SUGP1: variants seen among roughly 807,000 people sequenced by gnomAD.
SUGP1 encodes the protein SURP and G-patch domain-containing protein 1.
In SUGP1, 34 loss-of-function variants were observed where a neutral mutation model predicts 76.5. The observed-to-expected ratio is 0.44, with a 90% CI of 0.34 to 0.59. The LOEUF is 0.59. SUGP1 is among the 20% of genes least tolerant of loss of function. The pLI, the probability that SUGP1 is intolerant of heterozygous loss-of-function variation, is 0.01. For missense variants in SUGP1, 752 were observed against 851.7 expected, an observed-to-expected ratio of 0.88 and a Z score of 1.46; for synonymous variants, 326 against 326.2, an observed-to-expected ratio of 1.00 and a Z score of 0.01.
rs1311738853 is a variant in SUGP1, at chr19:19,303,775, G to C, written c.611C>G (p.Pro204Arg). Reference protein sequence around the residue: ...KLARFVAEGGPELEKVAMEDY... With the variant: ...KLARFVAEGGRELEKVAMEDY... ...CTCCATAGCTACTTTTTCTAACTCGGGGCCTCCTTCTGCCACAAAGCGGGC... is the reference window on the plus strand; with the variant it reads ...CTCCATAGCTACTTTTTCTAACTCGCGGCCTCCTTCTGCCACAAAGCGGGC... Residue 204 changes from proline (P) to arginine (R), a missense_variant, in exon 5 of 14, where the codon CCC (proline) becomes CGC (arginine). Coordinates refer to ENST00000247001, the MANE Select transcript of SUGP1 (RefSeq NM_172231.4). The C allele has an allele frequency of 1.3e-5, 21 of 1,614,118 alleles. No homozygotes were observed. Among genetic ancestry groups the C allele is most frequent in the Non-Finnish European group, 1.8e-5 (21 of 1,180,034 alleles).
rs1286531378 is a variant in SUGP1, at chr19:19,278,734, G to A, written c.1591C>T (p.Pro531Ser). Residue 531 changes from proline (P) to serine (S), a missense_variant, in exon 11 of 14, where the codon CCA (proline) becomes TCA (serine). By Grantham distance (74) the Pro-to-Ser change is moderately conservative. This residue lies in a region of SUGP1 where 132 missense variants were observed against 234.4 expected (regional missense o/e 0.56). Coordinates refer to ENST00000247001, the MANE Select transcript of SUGP1 (RefSeq NM_172231.4). ...GKHFIGDFLP[P>S]DELEKFMETF... The stretch of plus-strand genomic sequence containing the variant: ...TCCATAAACTTTTCCAGCTCGTCTG[G>A]AGGCAGGAAGTCTCCGATGAAGTGC... 1 of 1,614,040 alleles carries A rather than the reference G, an allele frequency of 6.2e-7. No individual in the cohort carries two copies. The highest frequency in any genetic ancestry group is 8.5e-7 in the Non-Finnish European group (1 of 1,179,984).
chr19:19,316,009 T>A (rs2061391597), intron 2 of SUGP1, among the ~76,000 whole-genome samples: 1 of 151,950 alleles, frequency 6.6e-6, no homozygotes. Flanking sequence ...TTTTTTGTAT[T>A]TTTTAGTAGA....
chr19:19,302,401 T>G lies in SUGP1; in HGVS notation c.764-13A>C. 6.2e-7 allele frequency: 1 copy of G among 1,613,640 alleles called. No homozygotes were observed. The highest frequency in any genetic ancestry group is 8.5e-7 in the Non-Finnish European group (1 of 1,179,660). On this transcript the variant is annotated splice_polypyrimidine_tract_variant and intron_variant, in intron 6 of 13. Transcript: ENST00000247001. ...TCTGGGGGTGAAACTTTAAGCAGGC[T>G]GTCAGTACTGGGCTCAACTCACCAC...
At position 19,277,090 on chromosome 19, in the gene SUGP1, AG is replaced by A. The variant is rs777400468; in HGVS notation, c.1782-15del. 3 of 1,604,710 alleles carry A rather than the reference AG, an allele frequency of 1.9e-6. No homozygotes were observed. The highest frequency in any genetic ancestry group is 1.7e-5 in the Admixed American group (1 of 59,090). On this transcript the variant is annotated splice_polypyrimidine_tract_variant and intron_variant, in intron 12 of 13. Coordinates refer to ENST00000247001, the MANE Select transcript of SUGP1 (RefSeq NM_172231.4). Reference sequence around the variant, plus strand: ...GTGGTGGTGCCCCTACAGGGAGAAGAGGATGTGAGCAGGGACCTGGGGCCAG... The same window carrying A: ...GTGGTGGTGCCCCTACAGGGAGAAGAGATGTGAGCAGGGACCTGGGGCCAG...
chr19:19,289,999 CT>C (rs2146601117), intron 8 of SUGP1, among the ~76,000 whole-genome samples: 1 of 152,184 alleles, frequency 6.6e-6, no homozygotes, highest in East Asian at 1.9e-4. Flanking sequence ...CCCCCAACCC[CT>C]AATCTCGGTG....
At chr19:19,308,528 A>G (rs1178548586) in intron 3 of SUGP1, among the ~76,000 whole-genome samples, 3 of 152,212 alleles carry the variant, frequency 2.0e-5, no homozygotes, top group Non-Finnish European at 4.4e-5. Flanking sequence ...CCCGATGAAC[A>G]CTAGTGCCCT....
chr19:19,279,358 G>A lies in SUGP1; in HGVS notation c.1383C>T (p.His461=), dbSNP rs760178317. ...MQQMYDMIMQ[H]KRAMQDMQLL... ...GCTGCATGTCCTGCATGGCCCGCTT[G>A]TGCTGCATGATCATGTCGTACATCT... The change falls in exon 10 of 14, where the codon CAC becomes CAT. Residue 461 remains histidine (H), a synonymous_variant. Coordinates refer to ENST00000247001, the MANE Select transcript of SUGP1 (RefSeq NM_172231.4). The A allele has an allele frequency of 6.2e-7, 1 of 1,609,412 alleles. No individual in the cohort carries two copies. The highest frequency in any genetic ancestry group is 2.2e-5 in the East Asian group (1 of 44,868).
In SUGP1 at chr19:19,302,570, C is replaced by T. The variant is rs531171646; in HGVS notation, c.764-182G>A. The T allele has an allele frequency of 2.9e-5, 24 of 835,348 alleles. No homozygotes were observed. In the African/African-American group the frequency reaches 3.1e-4, roughly 11 times the overall value. 51.7% of individuals were successfully genotyped at this position (835,348 alleles called of 1,614,324 possible). A position where few individuals can be genotyped will look rare whatever the true frequency, so the allele number is the denominator to read the frequency against. ...AGAATTCATAACACACCTCAAGCCC[C>T]CACCCCCGACCCCCGCCCCGTCCCA... is the stretch of plus-strand genomic sequence containing the variant. On this transcript the variant is annotated intron_variant, in intron 6 of 13. Transcript: ENST00000247001.
intron 3 of SUGP1, among the ~76,000 whole-genome samples, chr19:19,306,678 C>T (rs916629509): frequency 5.9e-5 from 9 of 152,232 alleles, no homozygotes; most frequent in Non-Finnish European, 2.9e-5. Flanking sequence ...CCACGGGTGA[C>T]GATTTACCCA....
chr19:19,298,157 C>A (rs898754380), intron 7 of SUGP1, among the ~76,000 whole-genome samples: 2 of 152,188 alleles, frequency 1.3e-5, no homozygotes, highest in African/African-American at 2.4e-5. Flanking sequence ...AGCACCAAGG[C>A]GTGCAACTAA....
chr19:19,280,162 T>TCCCCTTGTCCCCGC lies in SUGP1; in HGVS notation c.1350+9_1350+22dup, dbSNP rs767848007. 1.2e-5 allele frequency: 19 copies of TCCCCTTGTCCCCGC among 1,608,630 alleles called. No homozygotes were observed. The South Asian group carries it at 2.1e-4, about 18-fold the overall frequency. ...TCTATGGGCGCCGACCATGTCCCCG[T>TCCCCTTGTCCCCGC]CCCCTTGTCCCCGCAGTCTTACCTC... On this transcript the variant is annotated intron_variant, in intron 9 of 13. Transcript: ENST00000247001.
At chr19:19,308,486 T>C (rs1165405748) in intron 3 of SUGP1, among the ~76,000 whole-genome samples, 2 of 152,250 alleles carry the variant, frequency 1.3e-5, no homozygotes, top group Non-Finnish European at 2.9e-5. Context: ...TGGCAGGCAC[T>C]GAGTCCACAT....
intron 11 of SUGP1, among the ~76,000 whole-genome samples, chr19:19,278,406 C>A (rs775942794): frequency 1.3e-5 from 2 of 152,182 alleles, no homozygotes; most frequent in African/African-American, 4.8e-5. Context: ...GGACTTCTGC[C>A]GGAGAAACAC....
intron 3 of SUGP1, among the ~76,000 whole-genome samples, chr19:19,307,702 A>T (rs963230595): frequency 6.6e-6 from 1 of 151,100 alleles, no homozygotes; most frequent in African/African-American, 2.4e-5. Context: ...TCTGTTGCCC[A>T]GGCTGGAGTG....
chr19:19,288,026 A>G (rs1167342332), intron 8 of SUGP1, among the ~76,000 whole-genome samples: 2 of 152,134 alleles, frequency 1.3e-5, no homozygotes, highest in African/African-American at 2.4e-5. Flanking sequence ...CGCTTCATAA[A>G]TAGTCAATAT....
intron 8 of SUGP1, chr19:19,281,354 C>T (rs1341061249): frequency 1.3e-5 from 2 of 152,238 alleles, no homozygotes; most frequent in African/African-American, 4.8e-5. Flanking sequence ...CGCATTGAAG[C>T]ACCCGGATCT....
In SUGP1 at chr19:19,303,464, T is replaced by C. The variant is rs751432162; in HGVS notation, c.663-16A>G. The C allele has an allele frequency of 6.2e-7, 1 of 1,606,056 alleles. No homozygotes were observed. The highest frequency in any genetic ancestry group is 1.3e-5 in the African/African-American group (1 of 74,812). ...GTGCAAAAATCTGGAGAGGAGGAAG[T>C]TTGCAGAAGAGAGGGGAAAATAAGT... On this transcript the variant is annotated splice_polypyrimidine_tract_variant and intron_variant, in intron 5 of 13. Transcript: ENST00000247001.
At chr19:19,301,485 C>G (rs901063230) in intron 7 of SUGP1, among the ~76,000 whole-genome samples, 1 of 152,210 alleles carries the variant, frequency 6.6e-6, no homozygotes, top group African/African-American at 2.4e-5. Context: ...GTTGCCCCAT[C>G]TGTGATGAAG....
intron 8 of SUGP1, among the ~76,000 whole-genome samples, chr19:19,294,241 A>T (rs868536290): frequency 6.6e-6 from 1 of 151,836 alleles, no homozygotes; most frequent in South Asian, 2.1e-4. Context: ...TGGACCAAAA[A>T]CCCTGGGTGC....
Sources: gnomAD v4.1 joint callset for allele counts (sites outside exome capture counted in the v4.1 genomes callset) on GRCh38, gnomAD v4.1.1 for gene constraint, gnomAD v4.1.1 regional missense constraint, MANE v1.5 for transcripts, NCBI Gene and HGNC (gene_info 2026-07-23, HGNC 2026-07-21) for gene names.